ST6GALNAC3: variants seen among roughly 807,000 people sequenced by gnomAD.
ST6GALNAC3 encodes ST6 N-acetylgalactosaminide alpha-2,6-sialyltransferase 3, also known as alpha-N-acetylgalactosaminide alpha-2,6-sialyltransferase 3.
A neutral mutation model predicts 32.7 loss-of-function variants in ST6GALNAC3; 25 were observed. The ratio of observed to expected loss-of-function variants is 0.76; its 90% confidence interval spans 0.56 to 1.07. The LOEUF is 1.07. Among genes scored for constraint, ST6GALNAC3 ranks in the 50% least tolerant of loss-of-function variants. The probability of loss-of-function intolerance (pLI) is 0.00; values close to 1 mark genes in which losing one functional copy is unlikely to be tolerated. For missense variants in ST6GALNAC3, 355 were observed against 382.4 expected, an observed-to-expected ratio of 0.93 and a Z score of 0.60; for synonymous variants, 129 against 133.1, an observed-to-expected ratio of 0.97 and a Z score of 0.21.
intron 1 of ST6GALNAC3, among the ~76,000 whole-genome samples, chr1:76,199,412 G>C (rs959170608): frequency 6.6e-6 from 1 of 152,176 alleles, no homozygotes; most frequent in Admixed American, 6.5e-5. Context: ...TAGTAGAGCT[G>C]TGCTTCTGCT....
At chr1:76,454,086 T>G (rs1657596886) in intron 3 of ST6GALNAC3, among the ~76,000 whole-genome samples, 1 of 152,146 alleles carries the variant, frequency 6.6e-6, no homozygotes, top group Non-Finnish European at 1.5e-5. Flanking sequence ...TTGTCTGATG[T>G]AAGAGTAGCT....
chr1:76,313,987 G>A lies in ST6GALNAC3; in HGVS notation c.201G>A (p.Val67=). 1 of 1,612,030 alleles carries A rather than the reference G, an allele frequency of 6.2e-7. No individual in the cohort carries two copies. The highest frequency in any genetic ancestry group is 1.1e-5 in the South Asian group (1 of 90,696). ...PLRTHYGYIN[V]KTQEPLQLDC... is the part of the protein sequence containing the mutation. ...GAACTCACTATGGATACATAAATGT[G>A]AAGACACAAGAGGTAAGATCCCAGA... is the stretch of plus-strand genomic sequence containing the variant. The change falls in exon 2 of 5, where the codon GTG becomes GTA. Residue 67 remains valine (V), a synonymous_variant. Coordinates refer to ENST00000328299, the MANE Select transcript of ST6GALNAC3 (RefSeq NM_152996.4).
intron 1 of ST6GALNAC3, among the ~76,000 whole-genome samples, chr1:76,098,256 A>G (rs985889894): frequency 1.3e-5 from 2 of 152,242 alleles, no homozygotes; most frequent in Admixed American, 6.5e-5. Flanking sequence ...AGAAAGACAT[A>G]GAAAGGCATA....
At chr1:76,480,155 T>G (rs1277288058) in intron 3 of ST6GALNAC3, among the ~76,000 whole-genome samples, 1 of 152,144 alleles carries the variant, frequency 6.6e-6, no homozygotes. Flanking sequence ...GAAAAGAACT[T>G]AAAGGATTTG....
Position 76,318,449 on chromosome 1 carries a change from G to T in ST6GALNAC3, c.213+4450G>T, listed in dbSNP as rs539498140. Among the ~76,000 whole-genome samples the T allele has an allele frequency of 9.2e-5, 14 of 152,260 alleles. No individual in the cohort carries two copies. The South Asian group carries it at 2.9e-3, about 32-fold the overall frequency. Reference sequence around the variant, plus strand: ...CTGGGTGAGTGCTGAAATTCTGAAAGTCTTCGCTGGCCACGGAGCCCCAAA... The same window carrying T: ...CTGGGTGAGTGCTGAAATTCTGAAATTCTTCGCTGGCCACGGAGCCCCAAA... On this transcript the variant is annotated intron_variant, in intron 2 of 4. Transcript: ENST00000328299.
chr1:76,593,671 T>A (rs71656892), intron 3 of ST6GALNAC3, among the ~76,000 whole-genome samples: 1 of 152,184 alleles, frequency 6.6e-6, no homozygotes, highest in African/African-American at 2.4e-5. Context: ...AATTCTTTAC[T>A]CTACTTTCCC....
At chr1:76,581,561 T>C (rs1296055578) in intron 3 of ST6GALNAC3, among the ~76,000 whole-genome samples, 1 of 152,136 alleles carries the variant, frequency 6.6e-6, no homozygotes, top group Non-Finnish European at 1.5e-5. Context: ...AAACCAATAG[T>C]CTACACAGAC....
At chr1:76,228,240 A>C (rs1656183197) in intron 1 of ST6GALNAC3, among the ~76,000 whole-genome samples, 1 of 152,184 alleles carries the variant, frequency 6.6e-6, no homozygotes, top group Non-Finnish European at 1.5e-5. Context: ...TTTTAAGCAA[A>C]GTCCTGTGGT....
At chr1:76,459,254 A>C (rs1027212652) in intron 3 of ST6GALNAC3, among the ~76,000 whole-genome samples, 1 of 152,218 alleles carries the variant, frequency 6.6e-6, no homozygotes. Context: ...ATCATGGCCC[A>C]GTATACAGAG....
rs576265319 is a variant in ST6GALNAC3 at position 76,386,811 on chromosome 1, A to G, written c.214-25197A>G. On this transcript the variant is annotated intron_variant, in intron 2 of 4. Coordinates refer to ENST00000328299, the MANE Select transcript of ST6GALNAC3 (RefSeq NM_152996.4). The stretch of plus-strand genomic sequence containing the variant: ...TGTAGAAGATTTCTGAAAGAGGAGT[A>G]TTATCCAAATTACCAGCAAAAGAAA... 1.9e-4 allele frequency among the ~76,000 whole-genome samples: 29 copies of G among 152,290 alleles called. No individual in the cohort carries two copies. The East Asian group carries it at 5.2e-3, about 27-fold the overall frequency.
intron 3 of ST6GALNAC3, among the ~76,000 whole-genome samples, chr1:76,572,794 G>A (rs1449593347): frequency 2.6e-5 from 4 of 152,126 alleles, no homozygotes; most frequent in African/African-American, 4.8e-5. Context: ...AATTTGTTGC[G>A]GAGACAGCAG....
At chr1:76,553,527 C>T (rs1005378863) in intron 3 of ST6GALNAC3, among the ~76,000 whole-genome samples, 1 of 152,126 alleles carries the variant, frequency 6.6e-6, no homozygotes, top group African/African-American at 2.4e-5. Context: ...ATTTTCAAAA[C>T]GAGCCCTTAA....
chr1:76,119,938 T>A (rs1037627353), intron 1 of ST6GALNAC3, among the ~76,000 whole-genome samples: 1 of 152,190 alleles, frequency 6.6e-6, no homozygotes, highest in Non-Finnish European at 1.5e-5. Context: ...TAAGAGGTTG[T>A]AGGAAGAATA....
intron 1 of ST6GALNAC3, among the ~76,000 whole-genome samples, chr1:76,271,939 G>C (rs1351799683): frequency 6.6e-6 from 1 of 152,098 alleles, no homozygotes; most frequent in African/African-American, 2.4e-5. Flanking sequence ...AGATCATTTA[G>C]ACCCCTTCCG....
chr1:76,324,380 A>G (rs1647027906), intron 2 of ST6GALNAC3, among the ~76,000 whole-genome samples: 1 of 152,182 alleles, frequency 6.6e-6, no homozygotes. Flanking sequence ...AGGCTGACAA[A>G]CACTATCTCA....
chr1:76,466,145 C>A (rs1658613258), intron 3 of ST6GALNAC3, among the ~76,000 whole-genome samples: 1 of 151,998 alleles, frequency 6.6e-6, no homozygotes, highest in African/African-American at 2.4e-5. Flanking sequence ...CTAGGTTGAA[C>A]ATTGTAGTCT....
Position 76,628,932 on chromosome 1 carries a change from C to T in ST6GALNAC3, c.*126C>T, listed in dbSNP as rs933506975. The T allele has an allele frequency of 2.5e-5, 37 of 1,504,778 alleles. No homozygotes were observed. Among genetic ancestry groups the T allele is most frequent in the East Asian group, 7.1e-5 (3 of 42,130 alleles). The allele number at this position is 1,504,778 out of a possible 1,614,324, so 93.2% of individuals were successfully genotyped here. On this transcript the variant is annotated 3_prime_UTR_variant, in exon 5 of 5. Coordinates refer to ENST00000328299, the MANE Select transcript of ST6GALNAC3 (RefSeq NM_152996.4). ...CAACAATGATTATCAAGTTCCTGTA[C>T]ACTCTCAGATGTGGATGGTGACTCT...
At chr1:76,446,895 T>G (rs1299562421) in intron 3 of ST6GALNAC3, among the ~76,000 whole-genome samples, 1 of 152,202 alleles carries the variant, frequency 6.6e-6, no homozygotes, top group Non-Finnish European at 1.5e-5. Context: ...TTACCCAGTC[T>G]TGGGTATGTC....
At chr1:76,151,311 CAA>C (rs1651025793) in intron 1 of ST6GALNAC3, among the ~76,000 whole-genome samples, 1 of 152,152 alleles carries the variant, frequency 6.6e-6, no homozygotes, top group African/African-American at 2.4e-5. Flanking sequence ...TTGTCACTTT[CAA>C]AAGTCTGCAT....
Sources: allele counts gnomAD v4.1 joint callset (sites outside exome capture counted in the v4.1 genomes callset), GRCh38; gene constraint gnomAD v4.1.1; transcripts MANE v1.5; gene names NCBI Gene and HGNC (gene_info 2026-07-23, HGNC 2026-07-21).